The following FABP6 variants were observed in gnomAD, a reference collection of about 807,000 sequenced individuals.
The protein encoded by FABP6 is gastrotropin.
In FABP6, 13 loss-of-function variants were observed where a neutral mutation model predicts 14.9. The ratio of observed to expected loss-of-function variants is 0.87; its 90% confidence interval spans 0.57 to 1.39. The LOEUF (loss-of-function observed/expected upper bound fraction) is 1.39. Among genes scored for constraint, FABP6 ranks in the 40% most tolerant of loss-of-function variants. The probability of loss-of-function intolerance (pLI) is 0.00; values close to 1 mark genes in which losing one functional copy is unlikely to be tolerated. For missense variants in FABP6, 161 were observed against 167.2 expected, an observed-to-expected ratio of 0.96 and a Z score of 0.20; for synonymous variants, 75 against 63.6, an observed-to-expected ratio of 1.18 and a Z score of -0.85.
At chr5:160,223,189 G>A (rs1441165031) in intron 3 of FABP6, among the ~76,000 whole-genome samples, 1 of 152,016 alleles carries the variant, frequency 6.6e-6, no homozygotes, top group Non-Finnish European at 1.5e-5. Flanking sequence ...TTGTCTCTGG[G>A]CCACATTTTG....
At chr5:160,217,033 TG>T (rs1267159922) in intron 3 of FABP6, among the ~76,000 whole-genome samples, 2 of 152,164 alleles carry the variant, frequency 1.3e-5, no homozygotes, top group African/African-American at 4.8e-5. Flanking sequence ...ATCTACATGA[TG>T]GGGGTAATAT....
intron 1 of FABP6, among the ~76,000 whole-genome samples, chr5:160,196,338 A>G (rs1198555796): frequency 2.0e-5 from 3 of 152,232 alleles, no homozygotes; most frequent in Non-Finnish European, 4.4e-5. Context: ...CTCTGCCCAA[A>G]CATGAATCCA....
chr5:160,209,377 G>A lies in FABP6; in HGVS notation c.52-4359G>A, dbSNP rs116308850. 3.2e-3 allele frequency among the ~76,000 whole-genome samples: 484 copies of A among 152,192 alleles called. 4 individuals carry two copies. The highest frequency in any genetic ancestry group is 0.011 in the African/African-American group (466 of 41,564). On this transcript the variant is annotated intron_variant, in intron 2 of 6. Transcript: ENST00000393980. ...CAAAAAAATAAAAAAACAAAAATTA[G>A]TCGGGTGTGGTGGCCCACACCTGTA... is the stretch of plus-strand genomic sequence containing the variant.
chr5:160,233,919 G>C (rs1760450104), intron 2 of FABP6, among the ~76,000 whole-genome samples: 1 of 151,910 alleles, frequency 6.6e-6, no homozygotes, highest in African/African-American at 2.4e-5. Flanking sequence ...GGCTCAGGGA[G>C]ACCAAGTAAT....
At chr5:160,188,420 C>T (rs1243455449) in intron 1 of FABP6, among the ~76,000 whole-genome samples, 3 of 95,508 alleles carry the variant, frequency 3.1e-5, no homozygotes, top group Admixed American at 2.2e-4. Flanking sequence ...TGGAACTGGG[C>T]GGTGGGAGGT....
chr5:160,209,288 A>G (rs1759835066), intron 2 of FABP6, among the ~76,000 whole-genome samples: 1 of 152,082 alleles, frequency 6.6e-6, no homozygotes, highest in East Asian at 2.0e-4. Context: ...AGGCCAAGGC[A>G]GGCAAATCAC....
intron 1 of FABP6, among the ~76,000 whole-genome samples, chr5:160,192,929 T>C (rs145202072): frequency 0.029 from 4,400 of 152,246 alleles, 98 homozygotes; most frequent in Non-Finnish European, 0.041. Context: ...CTGAGCAACA[T>C]AGTGAGACCC....
chr5:160,192,456 A>G (rs1273795983), intron 1 of FABP6, among the ~76,000 whole-genome samples: 1 of 152,162 alleles, frequency 6.6e-6, no homozygotes, highest in Non-Finnish European at 1.5e-5. Context: ...TTGCGTGTTT[A>G]CTCTCCACTA....
chr5:160,226,034 C>T (rs949146985), upstream of FABP6, among the ~76,000 whole-genome samples: 1 of 151,574 alleles, frequency 6.6e-6, no homozygotes, highest in African/African-American at 2.4e-5. Flanking sequence ...ATTAGCCGGG[C>T]GTGGTGGTAG....
intron 3 of FABP6, among the ~76,000 whole-genome samples, chr5:160,215,538 G>C (rs1048828790): frequency 6.6e-6 from 1 of 151,404 alleles, no homozygotes; most frequent in South Asian, 2.1e-4. Context: ...AAAAGGTGAC[G>C]GTGGCCAGGC....
chr5:160,219,673 G>A (rs528883239), intron 3 of FABP6, among the ~76,000 whole-genome samples: 1 of 53,540 alleles, frequency 1.9e-5, no homozygotes, highest in East Asian at 4.9e-4. Context: ...GACCTTGGAA[G>A]AGTAGCAACT....
At chr5:160,231,457 G>T (rs1002205657) in intron 1 of FABP6, among the ~76,000 whole-genome samples, 1 of 152,192 alleles carries the variant, frequency 6.6e-6, no homozygotes, top group Non-Finnish European at 1.5e-5. Flanking sequence ...GCAGTGGCGC[G>T]ATCCCAGCTC....
intron 3 of FABP6, among the ~76,000 whole-genome samples, chr5:160,223,089 C>T (rs1760162828): frequency 6.6e-6 from 1 of 151,926 alleles, no homozygotes; most frequent in Admixed American, 6.6e-5. Flanking sequence ...GACCTTCCAG[C>T]CTCAGTGTCC....
upstream of FABP6, among the ~76,000 whole-genome samples, chr5:160,229,133 ATC>A: frequency 1.3e-5 from 2 of 152,280 alleles, no homozygotes; most frequent in East Asian, 3.9e-4. Flanking sequence ...TGTCTCGTTC[ATC>A]TGTGTTTCTT....
intron 3 of FABP6, among the ~76,000 whole-genome samples, chr5:160,214,572 C>T (rs963467084): frequency 2.0e-5 from 3 of 151,880 alleles, no homozygotes; most frequent in African/African-American, 7.3e-5. Context: ...TCTCAGCCAC[C>T]CAATGTGGCT....
chr5:160,221,029 C>T lies in FABP6; in HGVS notation c.135+7210C>T, dbSNP rs188337493. Reference sequence around the variant, plus strand: ...GCTTGAACCCTGGAGGCGGAGGTTGCAGTGAGCCGAGATTGTACCACTGCA... The same window carrying T: ...GCTTGAACCCTGGAGGCGGAGGTTGTAGTGAGCCGAGATTGTACCACTGCA... On this transcript the variant is annotated intron_variant, in intron 3 of 6. Transcript: ENST00000393980. Among the ~76,000 whole-genome samples the T allele has an allele frequency of 2.5e-4, 36 of 143,754 alleles. 1 individual carries two copies. Among genetic ancestry groups the T allele is most frequent in the Admixed American group, 7.3e-4 (10 of 13,746 alleles). The allele number at this position is 143,754 out of a possible 152,430, so 94.3% of individuals were successfully genotyped here.
intron 3 of FABP6, among the ~76,000 whole-genome samples, chr5:160,224,475 T>G (rs1045303057): frequency 2.0e-5 from 3 of 152,120 alleles, no homozygotes; most frequent in Admixed American, 2.0e-4. Context: ...TTCTAGGTGT[T>G]CAAGTGAAAG....
intron 3 of FABP6, among the ~76,000 whole-genome samples, chr5:160,221,708 G>GT (rs11444347): frequency 0.53 from 81,037 of 151,804 alleles, 22,394 homozygotes; most frequent in African/African-American, 0.68. Flanking sequence ...AATGGATGGA[G>GT]TTTTTTTTCA....
At chr5:160,215,045 C>T (rs917467653) in intron 3 of FABP6, among the ~76,000 whole-genome samples, 1 of 152,208 alleles carries the variant, frequency 6.6e-6, no homozygotes, top group African/African-American at 2.4e-5. Flanking sequence ...CCTCAAATAA[C>T]ACTGTTCATG....
Sources: gnomAD v4.1 joint callset for allele counts (sites outside exome capture counted in the v4.1 genomes callset) on GRCh38, gnomAD v4.1.1 for gene constraint, MANE v1.5 for transcripts, NCBI Gene and HGNC (gene_info 2026-07-23, HGNC 2026-07-21) for gene names.